The following ABHD13 variants were observed in gnomAD, a reference collection of about 807,000 sequenced individuals.
ABHD13 encodes protein ABHD13.
A neutral mutation model predicts 25.2 loss-of-function variants in ABHD13; 7 were observed. That is an observed-to-expected ratio of 0.28 (90% confidence interval 0.16 to 0.52). The LOEUF (loss-of-function observed/expected upper bound fraction) is 0.52. Among genes scored for constraint, ABHD13 ranks in the 20% least tolerant of loss-of-function variants. The pLI is 0.96. For synonymous variants in ABHD13, 133 were observed against 136.1 expected (o/e 0.98, Z 0.16); for missense variants, 302 against 402.7 (o/e 0.75, Z 2.14).
intron 1 of ABHD13, among the ~76,000 whole-genome samples, chr13:108,220,630 T>C (rs2139008203): frequency 6.6e-6 from 1 of 152,350 alleles, no homozygotes; most frequent in Middle Eastern, 3.4e-3. Flanking sequence ...TATTTTATGT[T>C]TCTGTTTCAC....
intron 1 of ABHD13, among the ~76,000 whole-genome samples, chr13:108,228,057 TGTA>T (rs1045019945): frequency 8.6e-5 from 13 of 151,974 alleles, no homozygotes; most frequent in South Asian, 2.1e-4. Context: ...AAGAAGGAAA[TGTA>T]GTATTTTTAA....
In ABHD13 at chr13:108,231,585, A is replaced by G. The variant is rs551353561; in HGVS notation, c.*1353A>G. On this transcript the variant is annotated 3_prime_UTR_variant, in exon 2 of 2. Transcript: ENST00000375898. ...ATAAAAATACACGCTATGAGTCATA[A>G]TTGTGCCAAGTTGTTTCATGCAGTC... 1 of 166,838 alleles carries G rather than the reference A, an allele frequency of 6.0e-6. No individual in the cohort carries two copies. The highest frequency in any genetic ancestry group is 1.5e-5 in the Non-Finnish European group (1 of 67,960). 10.3% of individuals were successfully genotyped at this position (166,838 alleles called of 1,614,324 possible). A position where few individuals can be genotyped will look rare whatever the true frequency, so the allele number is the denominator to read the frequency against.
At position 108,231,961 on chromosome 13, in the gene ABHD13, C is replaced by G. The variant is rs899536993; in HGVS notation, c.*1729C>G. The G allele has an allele frequency of 1.2e-5, 2 of 166,674 alleles. No homozygotes were observed. The highest frequency in any genetic ancestry group is 4.8e-5 in the African/African-American group (2 of 41,358). The allele number at this position is 166,674 out of a possible 1,614,324, so 10.3% of individuals were successfully genotyped here. A position where few individuals can be genotyped will look rare whatever the true frequency, so the allele number is the denominator to read the frequency against. ...GGCATATTTTGTATGTATAAATTCA[C>G]CACAATTAAAGATTATTCTTGTCAG... On this transcript the variant is annotated 3_prime_UTR_variant, in exon 2 of 2. Transcript: ENST00000375898.
At position 108,229,169 on chromosome 13, in the gene ABHD13, A is replaced by G; in HGVS notation, c.-20-30A>G. 1 of 1,449,884 alleles carries G rather than the reference A, an allele frequency of 6.9e-7. No individual in the cohort carries two copies. The highest frequency in any genetic ancestry group is 9.3e-7 in the Non-Finnish European group (1 of 1,079,904). The allele number at this position is 1,449,884 out of a possible 1,614,324, so 89.8% of individuals were successfully genotyped here. Reference sequence around the variant, plus strand: ...TTTTAAAAGAATAGATAGACGTTGAATTATTGATATTCTCCCTCTCTCTCT... The same window carrying G: ...TTTTAAAAGAATAGATAGACGTTGAGTTATTGATATTCTCCCTCTCTCTCT... On this transcript the variant is annotated intron_variant, in intron 1 of 1. Transcript: ENST00000375898. This position sits in a 1 kb window ranked among gnomAD's most constrained non-coding sequence, Gnocchi z 4.7.
In ABHD13 at chr13:108,229,895, C is replaced by T. The variant is rs770118849; in HGVS notation, c.677C>T (p.Ala226Val). 1.2e-6 allele frequency: 2 copies of T among 1,613,310 alleles called. No individual in the cohort carries two copies. The highest frequency in any genetic ancestry group is 1.7e-6 in the Non-Finnish European group (2 of 1,179,448). ...ACATTTTTAAGCATACCACATATGGCCAGCACTTTATTTTCATTCTTTCCG... is the reference window on the plus strand; with the variant it reads ...ACATTTTTAAGCATACCACATATGGTCAGCACTTTATTTTCATTCTTTCCG... ...ENTFLSIPHM[A>V]STLFSFFPMR... The change falls in exon 2 of 2, where the codon GCC becomes GTC. Residue 226 changes from alanine to valine, a missense_variant. Transcript: ENST00000375898. This position sits in a 1 kb window ranked among gnomAD's most constrained non-coding sequence, Gnocchi z 4.7.
rs1243610140 is a variant in ABHD13 at position 108,232,735 on chromosome 13, G to A, written c.*2503G>A. Reference sequence around the variant, plus strand: ...CCTAGAGTGATCTTAAATATGGCAAGATACAGCTCATTTAGAATAAAATCT... The same window carrying A: ...CCTAGAGTGATCTTAAATATGGCAAAATACAGCTCATTTAGAATAAAATCT... On this transcript the variant is annotated 3_prime_UTR_variant, in exon 2 of 2. Coordinates refer to ENST00000375898, the MANE Select transcript of ABHD13 (RefSeq NM_032859.3). 1.2e-5 allele frequency: 2 copies of A among 166,770 alleles called. No individual in the cohort carries two copies. Among genetic ancestry groups the A allele is most frequent in the East Asian group, 3.8e-4 (2 of 5,196 alleles). 10.3% of individuals were successfully genotyped at this position (166,770 alleles called of 1,614,324 possible).
At chr13:108,220,217 G>A (rs571499478) in intron 1 of ABHD13, among the ~76,000 whole-genome samples, 1 of 152,266 alleles carries the variant, frequency 6.6e-6, no homozygotes, top group Admixed American at 6.5e-5. Context: ...GCCTCCCACT[G>A]ACAGTTAACT....
Position 108,230,072 on chromosome 13 carries a change from C to T in ABHD13, c.854C>T (p.Ser285Phe). 1 of 1,613,222 alleles carries T rather than the reference C, an allele frequency of 6.2e-7. No homozygotes were observed. The change falls in exon 2 of 2, where the codon TCT becomes TTT. Residue 285 changes from serine (S) to phenylalanine (F), a missense_variant. Transcript: ENST00000375898. ...AAACAACTTTATGAACTCTCCCCAT[C>T]TCGGACTAAGAGATTAGCCATTTTT... ...MMKQLYELSP[S>F]RTKRLAIFPD...
Position 108,229,901 on chromosome 13 carries a change from C to A in ABHD13, c.683C>A (p.Thr228Asn). Residue 228 changes from threonine to asparagine, a missense_variant, in exon 2 of 2, where the codon ACT (threonine) becomes AAT (asparagine). Physicochemically the swap from Thr to Asn is moderately conservative, Grantham distance 65 (BLOSUM62 0). Coordinates refer to ENST00000375898, the MANE Select transcript of ABHD13 (RefSeq NM_032859.3). This position sits in a 1 kb window ranked among gnomAD's most constrained non-coding sequence, Gnocchi z 4.7. Reference protein sequence around the residue: ...TFLSIPHMASTLFSFFPMRYL... With the variant: ...TFLSIPHMASNLFSFFPMRYL... Reference sequence around the variant, plus strand: ...TTAAGCATACCACATATGGCCAGCACTTTATTTTCATTCTTTCCGATGCGT... The same window carrying A: ...TTAAGCATACCACATATGGCCAGCAATTTATTTTCATTCTTTCCGATGCGT... 1 of 1,613,324 alleles carries A rather than the reference C, an allele frequency of 6.2e-7. No homozygotes were observed. The highest frequency in any genetic ancestry group is 8.5e-7 in the Non-Finnish European group (1 of 1,179,450).
intron 1 of ABHD13, among the ~76,000 whole-genome samples, chr13:108,225,281 T>C (rs1473792): frequency 0.14 from 21,339 of 152,074 alleles, 1,814 homozygotes; most frequent in Non-Finnish European, 0.19. Flanking sequence ...AACAGGTAAA[T>C]TGAGATTGTA....
At chr13:108,218,836 C>T (rs1239845948) in intron 1 of ABHD13, among the ~76,000 whole-genome samples, 177 bp downstream of exon 1, 1 of 151,884 alleles carries the variant, frequency 6.6e-6, no homozygotes, top group African/African-American at 2.4e-5. Flanking sequence ...GGGCCGAGCG[C>T]CGGGGGTTGT....
At chr13:108,224,861 T>C (rs1879640947) in intron 1 of ABHD13, among the ~76,000 whole-genome samples, 1 of 152,204 alleles carries the variant, frequency 6.6e-6, no homozygotes, top group African/African-American at 2.4e-5. Context: ...TTATGTAGTA[T>C]AGCAGGATGT....
At chr13:108,221,136 T>G (rs931663636) in intron 1 of ABHD13, among the ~76,000 whole-genome samples, 1 of 152,240 alleles carries the variant, frequency 6.6e-6, no homozygotes, top group African/African-American at 2.4e-5. Flanking sequence ...TAAATCCTAG[T>G]TAAAGATGCT....
intron 1 of ABHD13, among the ~76,000 whole-genome samples, chr13:108,228,815 A>G (rs1426574762): frequency 1.3e-5 from 2 of 151,822 alleles, no homozygotes; most frequent in Non-Finnish European, 2.9e-5. Context: ...GCTCTTCTAC[A>G]TTGAGAAGCA....
At position 108,232,696 on chromosome 13, in the gene ABHD13, A is replaced by G. The variant is rs1398945637; in HGVS notation, c.*2464A>G. The G allele has an allele frequency of 6.0e-6, 1 of 166,914 alleles. No homozygotes were observed. The highest frequency in any genetic ancestry group is 2.4e-5 in the African/African-American group (1 of 41,448). The allele number at this position is 166,914 out of a possible 1,614,324, so 10.3% of individuals were successfully genotyped here. A position where few individuals can be genotyped will look rare whatever the true frequency, so the allele number is the denominator to read the frequency against. On this transcript the variant is annotated 3_prime_UTR_variant, in exon 2 of 2. Transcript: ENST00000375898. The stretch of plus-strand genomic sequence containing the variant: ...AAGAACTTTAAGTTATTAAGTTACT[A>G]TAAATTTGGGGATCCTAGAGTGATC...
intron 1 of ABHD13, among the ~76,000 whole-genome samples, chr13:108,222,105 G>A (rs1464726409): frequency 2.6e-5 from 4 of 152,112 alleles, no homozygotes; most frequent in Admixed American, 6.5e-5. Flanking sequence ...TTCCTAAAGC[G>A]CTAGGATTAC....
rs1301834626 is a variant in ABHD13 at position 108,233,249 on chromosome 13, T to A, written c.*3017T>A. ...ATTCATACCATCTGATGCTTATATA[T>A]TAATTTCTTATGTTTGTAAGTTTGG... On this transcript the variant is annotated 3_prime_UTR_variant, in exon 2 of 2. Coordinates refer to ENST00000375898, the MANE Select transcript of ABHD13 (RefSeq NM_032859.3). The A allele has an allele frequency of 6.0e-6, 1 of 166,812 alleles. No individual in the cohort carries two copies. The highest frequency in any genetic ancestry group is 1.9e-4 in the East Asian group (1 of 5,198). The allele number at this position is 166,812 out of a possible 1,614,324, so 10.3% of individuals were successfully genotyped here. A position where few individuals can be genotyped will look rare whatever the true frequency, so the allele number is the denominator to read the frequency against.
chr13:108,223,865 C>G (rs1879617913), intron 1 of ABHD13, among the ~76,000 whole-genome samples: 2 of 152,172 alleles, frequency 1.3e-5, no homozygotes, highest in East Asian at 3.9e-4. Flanking sequence ...TTCCTCTATG[C>G]TATCCTTGCC....
chr13:108,220,173 T>G (rs7322498), intron 1 of ABHD13, among the ~76,000 whole-genome samples: 1 of 151,934 alleles, frequency 6.6e-6, no homozygotes, highest in Admixed American at 6.6e-5. Flanking sequence ...AGACCATGAC[T>G]CAAAACACTG....
Sources: gnomAD v4.1 joint callset for allele counts (sites outside exome capture counted in the v4.1 genomes callset) on GRCh38, gnomAD v4.1.1 for gene constraint, Gnocchi (gnomAD v3.1) non-coding constraint, MANE v1.5 for transcripts, NCBI Gene and HGNC (gene_info 2026-07-23, HGNC 2026-07-21) for gene names.